TSPAN11: variants seen among roughly 807,000 people sequenced by gnomAD.
The protein encoded by TSPAN11 is tetraspanin 11.
Under a neutral mutation model 32.9 loss-of-function variants are expected in TSPAN11, and 29 were observed. The ratio of observed to expected loss-of-function variants is 0.88; its 90% CI spans 0.66 to 1.20. The LOEUF is 1.20. Ranked by LOEUF, TSPAN11 falls within the 50% of genes most tolerant of loss-of-function variation. The pLI is 0.00. For missense variants in TSPAN11, 283 were observed against 329.1 expected (o/e 0.86, Z 1.08); for synonymous variants, 140 against 141.3 (o/e 0.99, Z 0.07).
chr12:30,999,801 TA>T (rs1455267128), downstream of TSPAN11, among the ~76,000 whole-genome samples: 1 of 152,110 alleles, frequency 6.6e-6, no homozygotes, highest in Non-Finnish European at 1.5e-5. Context: ...GAAAAATTTC[TA>T]AGCAACAGGT....
chr12:30,997,682 T>A (rs1939435979), downstream of TSPAN11, among the ~76,000 whole-genome samples: 1 of 152,046 alleles, frequency 6.6e-6, no homozygotes, highest in South Asian at 2.1e-4. Context: ...GACATGAGAT[T>A]TGGGGGACAC....
At chr12:30,962,046 T>A (rs1433362168) in intron 2 of TSPAN11, among the ~76,000 whole-genome samples, 1 of 152,080 alleles carries the variant, frequency 6.6e-6, no homozygotes, top group African/African-American at 2.4e-5. Context: ...CACACTATTG[T>A]TTTTTGTACC....
intron 7 of TSPAN11, among the ~76,000 whole-genome samples, chr12:30,989,470 GT>G (rs1939267680): frequency 6.6e-6 from 1 of 152,144 alleles, no homozygotes; most frequent in African/African-American, 2.4e-5. Flanking sequence ...TGTGCTGTTG[GT>G]TCTTGTTATT....
At chr12:30,982,254 C>G (rs1293790939) in intron 5 of TSPAN11, among the ~76,000 whole-genome samples, 2 of 152,210 alleles carry the variant, frequency 1.3e-5, no homozygotes, top group African/African-American at 4.8e-5. Context: ...GTCCTGCCCC[C>G]AAGACACCCA....
intron 1 of TSPAN11, among the ~76,000 whole-genome samples, chr12:30,947,130 A>G (rs1938285356): frequency 6.6e-6 from 1 of 152,154 alleles, no homozygotes. Flanking sequence ...ATCAAGTGGC[A>G]TATGTTTGCT....
intron 2 of TSPAN11, among the ~76,000 whole-genome samples, chr12:30,956,228 G>A (rs1381342596): frequency 6.6e-6 from 1 of 152,234 alleles, no homozygotes; most frequent in East Asian, 1.9e-4. Flanking sequence ...GTCTCCAATA[G>A]CGCTGGCTTT....
At chr12:30,982,334 A>G (rs937203563) in intron 5 of TSPAN11, among the ~76,000 whole-genome samples, 198 bp from the exon 6 acceptor site, 1 of 152,252 alleles carries the variant, frequency 6.6e-6, no homozygotes, top group African/African-American at 2.4e-5. Context: ...CCATTCAGCA[A>G]TGAGTCTGAG....
intron 1 of TSPAN11, among the ~76,000 whole-genome samples, chr12:30,942,922 T>C (rs989719801): frequency 1.3e-5 from 2 of 152,116 alleles, no homozygotes; most frequent in African/African-American, 4.8e-5. Context: ...CTGCACACAA[T>C]GAACATGGTG....
intron 1 of TSPAN11, among the ~76,000 whole-genome samples, chr12:30,931,879 C>CAAAAAAAAAA (rs58500177): frequency 0.013 from 791 of 60,654 alleles, 76 homozygotes; most frequent in East Asian, 0.021. Flanking sequence ...GACGCTGTAT[C>CAAAAAAAAAA]AAAAAAAAAA....
intron 3 of TSPAN11, among the ~76,000 whole-genome samples, chr12:30,974,150 T>C (rs747040623): frequency 6.6e-6 from 1 of 152,276 alleles, no homozygotes; most frequent in Non-Finnish European, 1.5e-5. Flanking sequence ...GTCCATGTTC[T>C]GTTTCCAGCT....
intron 1 of TSPAN11, among the ~76,000 whole-genome samples, chr12:30,946,777 A>C (rs1938276799): frequency 6.6e-6 from 1 of 152,196 alleles, no homozygotes; most frequent in African/African-American, 2.4e-5. Flanking sequence ...CAGAGGCCAA[A>C]GAAAAGACCA....
intron 1 of TSPAN11, among the ~76,000 whole-genome samples, chr12:30,936,990 T>C (rs1205385072): frequency 6.6e-6 from 1 of 152,166 alleles, no homozygotes; most frequent in Admixed American, 6.5e-5. Context: ...GGTCATGATG[T>C]TCAGATCAAG....
intron 1 of TSPAN11, among the ~76,000 whole-genome samples, chr12:30,945,244 C>A (rs534346454): frequency 1.5e-4 from 23 of 152,200 alleles, no homozygotes; most frequent in African/African-American, 5.5e-4. Context: ...CCATTATCAA[C>A]ACAGGCCAGC....
intron 2 of TSPAN11, among the ~76,000 whole-genome samples, chr12:30,959,873 C>T (rs1178778071): frequency 1.3e-5 from 2 of 151,128 alleles, no homozygotes; most frequent in Non-Finnish European, 2.9e-5. Flanking sequence ...GTAAGAGCAC[C>T]GAGGCCATGC....
At chr12:30,939,538 C>A (rs1938117677) in intron 1 of TSPAN11, among the ~76,000 whole-genome samples, 1 of 152,208 alleles carries the variant, frequency 6.6e-6, no homozygotes. Flanking sequence ...CAACCACATG[C>A]ACGCACTCCA....
At chr12:30,958,892 G>GC (rs1452535684) in intron 2 of TSPAN11, among the ~76,000 whole-genome samples, 1 of 152,150 alleles carries the variant, frequency 6.6e-6, no homozygotes, top group Admixed American at 6.5e-5. Flanking sequence ...GAGTAACCAA[G>GC]CATCAGTCTG....
rs546119348 is a variant in TSPAN11, at chr12:30,987,813, T to C, written c.703-4043T>C. 2.8e-3 allele frequency among the ~76,000 whole-genome samples: 434 copies of C among 152,300 alleles called. 4 individuals are homozygous for C. Among genetic ancestry groups the C allele is most frequent in the African/African-American group, 0.01 (421 of 41,558 alleles). The stretch of plus-strand genomic sequence containing the variant: ...ATGGGGAGCAGATGCAGCACCCTCG[T>C]GGTCTTGAAATGCCCAAGGCAGTCA... On this transcript the variant is annotated intron_variant, in intron 7 of 7. Coordinates refer to ENST00000546076, the MANE Select transcript of TSPAN11 (RefSeq NM_001370302.1).
At chr12:30,984,719 G>T (rs535974989) in intron 7 of TSPAN11, among the ~76,000 whole-genome samples, 6 of 151,760 alleles carry the variant, frequency 4.0e-5, no homozygotes, top group Non-Finnish European at 2.9e-5. Flanking sequence ...CCACCACGCC[G>T]CCTAGTTTTG....
the TSPAN11 span, among the ~76,000 whole-genome samples, chr12:31,012,909 G>A: frequency 6.6e-6 from 1 of 152,164 alleles, no homozygotes; most frequent in Non-Finnish European, 1.5e-5. Context: ...GATATTTTCT[G>A]TGCACATCTT....
Sources: gnomAD v4.1 joint callset for allele counts (sites outside exome capture counted in the v4.1 genomes callset) on GRCh38, gnomAD v4.1.1 for gene constraint, MANE v1.5 for transcripts, NCBI Gene and HGNC (gene_info 2026-07-23, HGNC 2026-07-21) for gene names.